The following SEZ6L variants were observed in gnomAD, a reference collection of about 807,000 sequenced individuals.
SEZ6L encodes seizure 6-like protein.
A neutral mutation model predicts 106.2 loss-of-function variants in SEZ6L; 37 were observed. The observed-to-expected ratio is 0.35, with a 90% confidence interval of 0.27 to 0.46. The LOEUF (loss-of-function observed/expected upper bound fraction) is 0.46. Among genes scored for constraint, SEZ6L ranks in the 20% least tolerant of loss-of-function variants. The pLI is 1.00. For missense variants in SEZ6L, 1,172 were observed against 1,332.8 expected (o/e 0.88, Z 1.88); for synonymous variants, 541 against 570.4 (o/e 0.95, Z 0.73).
chr22:26,340,468 T>C lies in SEZ6L; in HGVS notation c.2048T>C (p.Ile683Thr). The change falls in exon 10 of 17, where the codon ATC becomes ACC. Residue 683 changes from isoleucine to threonine, a missense_variant. This residue lies in a region of SEZ6L where 534 missense variants were observed against 691.0 expected (regional missense o/e 0.77). Coordinates refer to ENST00000248933, the MANE Select transcript of SEZ6L (RefSeq NM_021115.5). ...LNLSNSDILT[I>T]YDGDEVMPHI... ...CTGAGCAACAGTGACATCTTGACCA[T>C]CTACGATGGCGACGAGGTCATGCCC... The C allele has an allele frequency of 6.2e-7, 1 of 1,613,936 alleles. No homozygotes were observed. The highest frequency in any genetic ancestry group is 8.5e-7 in the Non-Finnish European group (1 of 1,179,928).
chr22:26,309,358 A>G (rs2081740779), intron 6 of SEZ6L, among the ~76,000 whole-genome samples: 1 of 152,210 alleles, frequency 6.6e-6, no homozygotes. Flanking sequence ...GCCCACCTGT[A>G]AGATGGGTCA....
chr22:26,215,302 A>G (rs961125048), intron 1 of SEZ6L, among the ~76,000 whole-genome samples: 18 of 152,190 alleles, frequency 1.2e-4, no homozygotes, highest in African/African-American at 4.3e-4. Flanking sequence ...GGTGGAGGTT[A>G]GACTCTAGTG....
chr22:26,240,092 T>A (rs9613139), intron 1 of SEZ6L, among the ~76,000 whole-genome samples: 54,925 of 115,266 alleles, frequency 0.48, 11,104 homozygotes, highest in East Asian at 0.58. Flanking sequence ...ACACACACAC[T>A]CACACACACA....
At chr22:26,285,156 G>T (rs2080895701) in intron 1 of SEZ6L, among the ~76,000 whole-genome samples, 1 of 152,114 alleles carries the variant, frequency 6.6e-6, no homozygotes, top group Non-Finnish European at 1.5e-5. Context: ...GTGCAAATGG[G>T]ATCAATACTA....
chr22:26,281,571 G>A (rs1360752550), intron 1 of SEZ6L, among the ~76,000 whole-genome samples: 1 of 151,860 alleles, frequency 6.6e-6, no homozygotes, highest in East Asian at 1.9e-4. Context: ...GTAGAGACGG[G>A]GTTTCACCGT....
chr22:26,229,325 AC>A (rs1172253217), intron 1 of SEZ6L, among the ~76,000 whole-genome samples: 2 of 151,950 alleles, frequency 1.3e-5, no homozygotes, highest in Admixed American at 6.6e-5. Flanking sequence ...AATTATGTTA[AC>A]CTTTATTGAG....
intron 1 of SEZ6L, among the ~76,000 whole-genome samples, chr22:26,210,773 C>G (rs2078134568): frequency 6.6e-6 from 1 of 152,194 alleles, no homozygotes; most frequent in Admixed American, 6.5e-5. Flanking sequence ...CAAGCCAAAA[C>G]TAGCCCACAT....
intron 9 of SEZ6L, among the ~76,000 whole-genome samples, chr22:26,317,732 C>A (rs1311264050): frequency 1.3e-5 from 2 of 152,102 alleles, no homozygotes; most frequent in Non-Finnish European, 2.9e-5. Context: ...GCAGCGGGGG[C>A]AGGCTTTCTC....
Position 26,381,961 on chromosome 22 carries a change from A to G in SEZ6L, c.*1666A>G. On this transcript the variant is annotated 3_prime_UTR_variant, in exon 17 of 17. Coordinates refer to ENST00000248933, the MANE Select transcript of SEZ6L (RefSeq NM_021115.5). ...GCAGGGAGTCTATGTTTTGGTGGTT[A>G]CATTGGAAACATCTTAAGCAAGATA... The G allele has an allele frequency of 3.9e-6, 2 of 511,820 alleles. No homozygotes were observed. Among genetic ancestry groups the G allele is most frequent in the Admixed American group, 3.9e-5 (2 of 50,650 alleles). The allele number at this position is 511,820 out of a possible 1,614,324, so 31.7% of individuals were successfully genotyped here.
chr22:26,192,784 T>C (rs541158965), intron 1 of SEZ6L, among the ~76,000 whole-genome samples: 11 of 152,316 alleles, frequency 7.2e-5, no homozygotes, highest in African/African-American at 2.2e-4. Flanking sequence ...CAGATCCTAA[T>C]TGGATGAAGA....
rs2145884901 is a variant in SEZ6L at position 26,293,109 on chromosome 22, T to TATC, written c.800_802dup (p.Ile267dup). ...GCCAGGAGACCACTACCTCCACCAT[T>TATC]ATCACCACCACGGTCATCACCACCG... On this transcript the variant is annotated inframe_insertion, in exon 2 of 17. Coordinates refer to ENST00000248933, the MANE Select transcript of SEZ6L (RefSeq NM_021115.5). 6.3e-7 allele frequency: 1 copy of TATC among 1,595,696 alleles called. No individual in the cohort carries two copies. The highest frequency in any genetic ancestry group is 8.5e-7 in the Non-Finnish European group (1 of 1,175,300).
intron 1 of SEZ6L, among the ~76,000 whole-genome samples, chr22:26,207,108 G>A (rs1039052615): frequency 3.3e-5 from 5 of 152,198 alleles, no homozygotes; most frequent in African/African-American, 4.8e-5. Context: ...AAAGGTAGAC[G>A]TTGGGACAGT....
chr22:26,304,702 C>T (rs1349175873), intron 5 of SEZ6L, among the ~76,000 whole-genome samples: 1 of 151,946 alleles, frequency 6.6e-6, no homozygotes, highest in East Asian at 1.9e-4. Context: ...TTCATGGTCT[C>T]AATTGATTCT....
At chr22:26,172,356 T>A (rs1400702255) in intron 1 of SEZ6L, among the ~76,000 whole-genome samples, 1 of 152,218 alleles carries the variant, frequency 6.6e-6, no homozygotes, top group Non-Finnish European at 1.5e-5. Context: ...CTTGAGGGAT[T>A]CATCTTGTGT....
intron 1 of SEZ6L, among the ~76,000 whole-genome samples, chr22:26,183,505 G>T (rs1939545941): frequency 6.6e-6 from 1 of 152,148 alleles, no homozygotes; most frequent in Non-Finnish European, 1.5e-5. Context: ...AACAAAGCAA[G>T]CTCGTTTGAT....
rs187932610 is a variant in SEZ6L, at chr22:26,291,928, C to A, written c.95-478C>A. 9.9e-5 allele frequency among the ~76,000 whole-genome samples: 15 copies of A among 151,126 alleles called. No homozygotes were observed. In the East Asian group the frequency reaches 2.7e-3, roughly 28 times the overall value. ...CCCCTGTGCTTTTTGTTTCTATACT[C>A]CTAATGCTTAGCTCAGTCCTGGCAT... On this transcript the variant is annotated intron_variant, in intron 1 of 16. Transcript: ENST00000248933.
In SEZ6L at chr22:26,169,642, CA is replaced by C; in HGVS notation, c.-27del. On this transcript the variant is annotated 5_prime_UTR_variant, in exon 1 of 17. Transcript: ENST00000248933. The stretch of plus-strand genomic sequence containing the variant: ...CCTCGCCGTCCGCCCGCCCCACAGC[CA>C]GCGGCTCCGCGCCCCCTGCAGCCAC... 1.0e-6 allele frequency: 1 copy of C among 969,996 alleles called. No individual in the cohort carries two copies. The highest frequency in any genetic ancestry group is 1.4e-6 in the Non-Finnish European group (1 of 713,682). The allele number at this position is 969,996 out of a possible 1,614,324, so 60.1% of individuals were successfully genotyped here.
rs766461805 is a variant in SEZ6L at position 26,347,754 on chromosome 22, G to A, written c.2248G>A (p.Glu750Lys). The change falls in exon 11 of 17, where the codon GAG becomes AAG. Residue 750 changes from glutamate (E) to lysine (K), a missense_variant. By Grantham distance (56) the Glu-to-Lys change is moderately conservative. Around this residue, in one of 4 missense-constraint regions of SEZ6L, gnomAD observed 534 missense variants for 691.0 expected, o/e 0.77. Coordinates refer to ENST00000248933, the MANE Select transcript of SEZ6L (RefSeq NM_021115.5). ...GAATGACTCCTGCTCGGATTTACCC[G>A]AGATCCAGAATGGCTGGAAAACCAC... ...SRNDSCSDLP[E>K]IQNGWKTTSH... 3.7e-6 allele frequency: 6 copies of A among 1,609,604 alleles called. No homozygotes were observed. The highest frequency in any genetic ancestry group is 3.4e-6 in the Non-Finnish European group (4 of 1,178,418).
At chr22:26,177,644 A>T (rs932152125) in intron 1 of SEZ6L, among the ~76,000 whole-genome samples, 1 of 152,168 alleles carries the variant, frequency 6.6e-6, no homozygotes, top group African/African-American at 2.4e-5. Flanking sequence ...CCTGGGTTTC[A>T]GTCTGTTGCT....
Sources: allele counts gnomAD v4.1 joint callset (sites outside exome capture counted in the v4.1 genomes callset), GRCh38; gene constraint gnomAD v4.1.1; regional missense constraint gnomAD v4.1.1; transcripts MANE v1.5; gene names NCBI Gene and HGNC (gene_info 2026-07-23, HGNC 2026-07-21).